NPPB: variants seen among roughly 807,000 people sequenced by gnomAD.
NPPB encodes natriuretic peptide B.
In NPPB, 13 loss-of-function variants were observed where a neutral mutation model predicts 12.7. That is an observed-to-expected ratio of 1.03 (90% CI 0.67 to 1.63). NPPB has a LOEUF of 1.63. Among genes scored for constraint, NPPB ranks in the 40% most tolerant of loss-of-function variants. The pLI is 0.00. For synonymous variants in NPPB, 66 were observed against 74.7 expected (o/e 0.88, Z 0.60); for missense variants, 184 against 172.9 (o/e 1.06, Z -0.36).
intron 2 of NPPB, 26 bp downstream of exon 2, chr1:11,858,188 C>T (rs756298325): frequency 1.0e-5 from 16 of 1,567,424 alleles, no homozygotes; most frequent in Middle Eastern, 1.7e-4. Context: ...TGGGGGAAGG[C>T]GGCCGGGGTG....
At position 11,858,767 on chromosome 1, in the gene NPPB, C is replaced by T. The variant is rs760123248; in HGVS notation, c.67G>A (p.Gly23Arg). 1 of 1,614,132 alleles carries T rather than the reference C, an allele frequency of 6.2e-7. No homozygotes were observed. The highest frequency in any genetic ancestry group is 1.3e-5 in the African/African-American group (1 of 75,030). The change falls in exon 1 of 3, where the codon GGA becomes AGA. Residue 23 changes from glycine (G) to arginine (R), a missense_variant. Physicochemically the swap from Gly to Arg is moderately radical, Grantham distance 125. Coordinates refer to ENST00000376468, the MANE Select transcript of NPPB (RefSeq NM_002521.3). ...CTGCCCAGCGGGTGGGAACGACCTC[C>T]CAGGAAAGCCAGATGCAAGAAGAGC... is the stretch of plus-strand genomic sequence containing the variant. ...LLLFLHLAFL[G>R]GRSHPLGSPG...
chr1:11,858,870 T>TGCTTCTGCTG lies in NPPB; in HGVS notation c.-38_-37insCAGCAGAAGC. On this transcript the variant is annotated 5_prime_UTR_variant, in exon 1 of 3. Transcript: ENST00000376468. ...GACTGCGGAGGCTGCTGCTGCTGCTTCTGCTGCTGCTGCTGCTGCTGCGAT... is the reference window on the plus strand; with the variant it reads ...GACTGCGGAGGCTGCTGCTGCTGCTTGCTTCTGCTGCTGCTGCTGCTGCTGCTGCTGCGAT... 7 of 1,607,698 alleles carry TGCTTCTGCTG rather than the reference T, an allele frequency of 4.4e-6. No individual in the cohort carries two copies. Among genetic ancestry groups the TGCTTCTGCTG allele is most frequent in the East Asian group, 2.2e-5 (1 of 44,764 alleles).
At chr1:11,858,096 G>A in intron 2 of NPPB, 118 bp downstream of exon 2, 2 of 991,898 alleles carry the variant, frequency 2.0e-6, no homozygotes, top group Non-Finnish European at 3.0e-6. Context: ...AGGAAGCGAT[G>A]TCCAGGTGAC....
rs926461925 is a variant in NPPB at position 11,858,240 on chromosome 1, C to T, written c.362G>A (p.Ser121Asn). 1 of 1,612,066 alleles carries T rather than the reference C, an allele frequency of 6.2e-7. No homozygotes were observed. ...GCFGRKMDRI[S>N]SSSGLGCKVL... ...TTTGCAGCCCAGGCCACTGGAGGAG[C>T]TGATCCGGTCCATCTTCCTCCCAAA... is the stretch of plus-strand genomic sequence containing the variant. Residue 121 changes from serine to asparagine, a missense_variant, in exon 2 of 3, where the codon AGC becomes AAC. Ser to Asn is a conservative substitution (Grantham distance 46). Transcript: ENST00000376468.
rs1645128879 is a variant in NPPB, at chr1:11,857,555, A to G, written c.*100T>C. ...ATATAAAACAATCAAATAAATACAT[A>G]AATACATTAAAAAAATGAGTCACTT... is the stretch of plus-strand genomic sequence containing the variant. On this transcript the variant is annotated 3_prime_UTR_variant, in exon 3 of 3. Coordinates refer to ENST00000376468, the MANE Select transcript of NPPB (RefSeq NM_002521.3). 9.1e-7 allele frequency: 1 copy of G among 1,097,108 alleles called. No individual in the cohort carries two copies. The highest frequency in any genetic ancestry group is 2.5e-5 in the East Asian group (1 of 39,800). The allele number at this position is 1,097,108 out of a possible 1,614,324, so 68.0% of individuals were successfully genotyped here. A position where few individuals can be genotyped will look rare whatever the true frequency, so the allele number is the denominator to read the frequency against.
rs921552050 is a variant in NPPB at position 11,858,725 on chromosome 1, C to T, written c.109G>A (p.Asp37Asn). The T allele has an allele frequency of 2.1e-5, 34 of 1,614,100 alleles. No individual in the cohort carries two copies. Among genetic ancestry groups the T allele is most frequent in the Non-Finnish European group, 2.6e-5 (31 of 1,180,054 alleles). ...ACCTGTAACCCGGACGTTTCCAAGT[C>T]CGAGGCTGAACCGGGGCTGCCCAGC... ...HPLGSPGSAS[D>N]LETSGLQEQR... The change falls in exon 1 of 3, where the codon GAC becomes AAC. Residue 37 changes from aspartate to asparagine, a missense_variant. Asp to Asn is a conservative substitution (Grantham distance 23). Transcript: ENST00000376468.
In NPPB at chr1:11,858,462, C is replaced by T. The variant is rs5229; in HGVS notation, c.140G>A (p.Arg47His). Reference protein sequence around the residue: ...DLETSGLQEQRNHLQGKLSEL... With the variant: ...DLETSGLQEQHNHLQGKLSEL... ...CGACAGTTTGCCCTGCAAATGGTTG[C>T]GCTGCTCCTGCAATGAATGGGGGCG... is the stretch of plus-strand genomic sequence containing the variant. Residue 47 changes from arginine (R) to histidine (H), a missense_variant, in exon 2 of 3, where the codon CGC (arginine) becomes CAC (histidine). Physicochemically the swap from Arg to His is conservative, Grantham distance 29. Transcript: ENST00000376468. The T allele has an allele frequency of 6.6e-3, 10,156 of 1,537,756 alleles. 37 individuals are homozygous for T. Among genetic ancestry groups the T allele is most frequent in the Non-Finnish European group, 7.7e-3 (8,768 of 1,142,666 alleles).
chr1:11,857,584 A>AG lies in NPPB; in HGVS notation c.*70dup. On this transcript the variant is annotated 3_prime_UTR_variant, in exon 3 of 3. Transcript: ENST00000376468. Reference sequence around the variant, plus strand: ...ACATTAAAAAAATGAGTCACTTCAAAGGCGGCCACAGGGTTGAGGAAAAAG... The same window carrying AG: ...ACATTAAAAAAATGAGTCACTTCAAAGGGCGGCCACAGGGTTGAGGAAAAAG... 1 of 1,478,100 alleles carries AG rather than the reference A, an allele frequency of 6.8e-7. No individual in the cohort carries two copies. Among genetic ancestry groups the AG allele is most frequent in the South Asian group, 1.1e-5 (1 of 87,870 alleles). The allele number at this position is 1,478,100 out of a possible 1,614,324, so 91.6% of individuals were successfully genotyped here.
intron 1 of NPPB, 37 bp downstream of exon 1, chr1:11,858,665 T>A (rs977496484): frequency 8.7e-6 from 14 of 1,613,970 alleles, no homozygotes; most frequent in Non-Finnish European, 1.2e-5. Context: ...CTTTCATTGC[T>A]GCTGTCCAAT....
At chr1:11,857,764 T>C (rs1645130330) in intron 2 of NPPB, 93 bp from the exon 3 acceptor site, 1 of 1,308,542 alleles carries the variant, frequency 7.6e-7, no homozygotes, top group Admixed American at 1.8e-5. Context: ...ACCACCCTGT[T>C]AGTCATCAGA....
In NPPB at chr1:11,858,301, G is replaced by T; in HGVS notation, c.301C>A (p.Pro101Thr). Reference protein sequence around the residue: ...RKMVLYTLRAPRSPKMVQGSG... With the variant: ...RKMVLYTLRATRSPKMVQGSG... The stretch of plus-strand genomic sequence containing the variant: ...CCTTGCACCATCTTGGGGCTTCGTG[G>T]TGCCCGCAGGGTGTAGAGGACCATT... The change falls in exon 2 of 3, where the codon CCA becomes ACA. Residue 101 changes from proline to threonine, a missense_variant. By Grantham distance (38) the Pro-to-Thr change is conservative. Coordinates refer to ENST00000376468, the MANE Select transcript of NPPB (RefSeq NM_002521.3). 3.1e-6 allele frequency: 5 copies of T among 1,614,118 alleles called. No homozygotes were observed. The highest frequency in any genetic ancestry group is 4.2e-6 in the Non-Finnish European group (5 of 1,180,006).
Position 11,858,006 on chromosome 1 carries a change from A to G in NPPB, c.388+208T>C, listed in dbSNP as rs1418277572. ...AAGAAGTAGGAGGTGGGGAGAAGGT[A>G]TTGTGGGCATGGTAATGAAATAAGC... On this transcript the variant is annotated intron_variant, in intron 2 of 2. Coordinates refer to ENST00000376468, the MANE Select transcript of NPPB (RefSeq NM_002521.3). Among the ~76,000 whole-genome samples the G allele has an allele frequency of 6.6e-5, 10 of 152,206 alleles. 1 individual carries two copies. Among genetic ancestry groups the G allele is most frequent in the Non-Finnish European group, 1.5e-5 (1 of 68,040 alleles).
At chr1:11,857,726 G>T (rs1645130118) in intron 2 of NPPB, 55 bp from the exon 3 acceptor site, 5 of 1,595,858 alleles carry the variant, frequency 3.1e-6, no homozygotes, top group South Asian at 2.2e-5. Context: ...GGAGGCAGGG[G>T]CTGAGCTTAC....
intron 1 of NPPB, 101 bp from the exon 2 acceptor site, chr1:11,858,570 G>A (rs192774825): frequency 3.7e-5 from 58 of 1,578,972 alleles, no homozygotes; most frequent in Non-Finnish European, 4.9e-5. Context: ...ACAGGGTCAG[G>A]GCACCCAGTC....
rs565053006 is a variant in NPPB, at chr1:11,857,641, G to C, written c.*14C>G. ...GTGGAATCAGAAGCAGGTGTCTGCA[G>C]CCAGGACTTCCTCTTAATGCCGCCT... On this transcript the variant is annotated 3_prime_UTR_variant, in exon 3 of 3. Coordinates refer to ENST00000376468, the MANE Select transcript of NPPB (RefSeq NM_002521.3). 1.9e-6 allele frequency: 3 copies of C among 1,613,922 alleles called. No individual in the cohort carries two copies. Among genetic ancestry groups the C allele is most frequent in the African/African-American group, 2.7e-5 (2 of 74,918 alleles).
chr1:11,858,361 C>G lies in NPPB; in HGVS notation c.241G>C (p.Glu81Gln), dbSNP rs769869213. 3 of 1,610,132 alleles carry G rather than the reference C, an allele frequency of 1.9e-6. No individual in the cohort carries two copies. The highest frequency in any genetic ancestry group is 2.5e-6 in the Non-Finnish European group (3 of 1,177,700). ...PRPTGVWKSR[E>Q]VATEGIRGHR... is the part of the protein sequence containing the mutation. ...CCACGGATGCCCTCGGTGGCTACCTCCCGGGACTTCCAGACACCTGTGGGA... is the reference window on the plus strand; with the variant it reads ...CCACGGATGCCCTCGGTGGCTACCTGCCGGGACTTCCAGACACCTGTGGGA... Residue 81 changes from glutamate (E) to glutamine (Q), a missense_variant, in exon 2 of 3, where the codon GAG becomes CAG. Coordinates refer to ENST00000376468, the MANE Select transcript of NPPB (RefSeq NM_002521.3).
chr1:11,858,181 G>T (rs376156887), intron 2 of NPPB, 33 bp downstream of exon 2: 244 of 1,562,416 alleles, frequency 1.6e-4, no homozygotes, highest in Admixed American at 5.6e-4. Context: ...ACTGGAATGG[G>T]GGAAGGCGGC....
chr1:11,858,495 C>T (rs1017310863), intron 1 of NPPB, 26 bp from the exon 2 acceptor site: 1 of 1,533,678 alleles, frequency 6.5e-7, no homozygotes, highest in African/African-American at 1.4e-5. Context: ...GCGTCCAAGC[C>T]TCAGGGACCC....
rs1645137411 is a variant in NPPB, at chr1:11,858,902, G to A, written c.-69C>T. ...CTGCTGCTGCTGCTGCGATGCGTCC[G>A]GGTTTGCTTCCCACCTGCCCTCAGC... On this transcript the variant is annotated 5_prime_UTR_variant, in exon 1 of 3. Transcript: ENST00000376468. The A allele has an allele frequency of 7.5e-6, 12 of 1,608,390 alleles. No homozygotes were observed. Among genetic ancestry groups the A allele is most frequent in the Non-Finnish European group, 9.3e-6 (11 of 1,179,034 alleles).
Sources: gnomAD v4.1 joint callset for allele counts (sites outside exome capture counted in the v4.1 genomes callset) on GRCh38, gnomAD v4.1.1 for gene constraint, MANE v1.5 for transcripts, NCBI Gene and HGNC (gene_info 2026-07-23, HGNC 2026-07-21) for gene names.